The following MAGI2 variants were observed in gnomAD, a reference collection of about 807,000 sequenced individuals.
MAGI2 encodes the protein membrane associated guanylate kinase, WW and PDZ domain containing 2, also known as membrane-associated guanylate kinase, WW and PDZ domain-containing protein 2.
Under a neutral mutation model 133.3 loss-of-function variants are expected in MAGI2, and 35 were observed. That is an observed-to-expected ratio of 0.26 (90% CI 0.20 to 0.35). MAGI2 has a LOEUF of 0.35. Ranked by LOEUF, MAGI2 falls within the 10% of genes least tolerant of loss-of-function variation. MAGI2 has a pLI of 1.00. For synonymous variants in MAGI2, 729 were observed against 710.6 expected (o/e 1.03, Z -0.41); for missense variants, 1,636 against 1,863.4 (o/e 0.88, Z 2.25).
At chr7:78,522,637 C>T (rs1796606261) in intron 3 of MAGI2, among the ~76,000 whole-genome samples, 1 of 152,166 alleles carries the variant, frequency 6.6e-6, no homozygotes, top group Admixed American at 6.5e-5. Context: ...GCCTCGGCCC[C>T]CCAAAGTGCT....
At chr7:78,524,893 C>T (rs1012363941) in intron 3 of MAGI2, among the ~76,000 whole-genome samples, 11 of 151,990 alleles carry the variant, frequency 7.2e-5, no homozygotes, top group Admixed American at 2.6e-4. Flanking sequence ...AGGTAGTATT[C>T]TAATATCTTT....
intron 1 of MAGI2, among the ~76,000 whole-genome samples, chr7:79,229,381 C>T (rs140005695): frequency 1.3e-5 from 2 of 152,216 alleles, no homozygotes; most frequent in Non-Finnish European, 2.9e-5. Context: ...ATAAGGAATA[C>T]AGCCTTTGGG....
intron 1 of MAGI2, among the ~76,000 whole-genome samples, chr7:79,118,253 A>G (rs1255254971): frequency 2.6e-5 from 4 of 152,144 alleles, no homozygotes; most frequent in Admixed American, 6.6e-5. Context: ...CAAACATGCT[A>G]CTATTTGGGT....
intron 1 of MAGI2, among the ~76,000 whole-genome samples, chr7:79,423,245 G>A (rs1382513500): frequency 1.3e-5 from 2 of 151,842 alleles, no homozygotes; most frequent in Non-Finnish European, 2.9e-5. Context: ...TTTATTATTT[G>A]TAAACAGATT....
At chr7:78,264,256 G>C (rs934955873) in intron 9 of MAGI2, among the ~76,000 whole-genome samples, 2 of 152,100 alleles carry the variant, frequency 1.3e-5, no homozygotes, top group African/African-American at 4.8e-5. Context: ...AAGAAGTTAA[G>C]TCACTTCTCT....
At chr7:78,464,987 A>G (rs927881199) in intron 6 of MAGI2, among the ~76,000 whole-genome samples, 8 of 152,192 alleles carry the variant, frequency 5.3e-5, no homozygotes, top group African/African-American at 1.9e-4. Flanking sequence ...CTATGCTTCT[A>G]TAATCAGTTT....
intron 6 of MAGI2, among the ~76,000 whole-genome samples, chr7:78,372,781 T>A (rs929946833): frequency 2.0e-5 from 3 of 152,164 alleles, no homozygotes; most frequent in African/African-American, 4.8e-5. Flanking sequence ...TCTGGCATAG[T>A]CAGCATGCTA....
intron 16 of MAGI2, among the ~76,000 whole-genome samples, chr7:78,142,222 G>T (rs2150560008): frequency 6.6e-6 from 1 of 152,182 alleles, no homozygotes; most frequent in East Asian, 1.9e-4. Context: ...AATAATTTTT[G>T]AACAAGGACC....
At chr7:78,715,160 T>G (rs1181698117) in intron 2 of MAGI2, among the ~76,000 whole-genome samples, 1 of 152,186 alleles carries the variant, frequency 6.6e-6, no homozygotes, top group Non-Finnish European at 1.5e-5. Context: ...TTAGCTTTAT[T>G]CTTTAGAGAT....
At chr7:79,090,036 T>A (rs1172936601) in intron 1 of MAGI2, among the ~76,000 whole-genome samples, 1 of 151,956 alleles carries the variant, frequency 6.6e-6, no homozygotes, top group Non-Finnish European at 1.5e-5. Context: ...CATAAAAAAA[T>A]TAAAAAATAG....
intron 2 of MAGI2, among the ~76,000 whole-genome samples, chr7:78,685,071 T>C (rs73701663): frequency 0.022 from 3,404 of 152,334 alleles, 137 homozygotes; most frequent in African/African-American, 0.077. Context: ...GTGGGCTGGA[T>C]GTCCCATCTC....
intron 1 of MAGI2, among the ~76,000 whole-genome samples, chr7:79,429,901 T>G (rs1312160424): frequency 6.6e-6 from 1 of 152,104 alleles, no homozygotes; most frequent in Admixed American, 6.5e-5. Context: ...AAGTTAACTT[T>G]TTATAATAGG....
At chr7:79,324,137 C>T (rs1054018572) in intron 1 of MAGI2, among the ~76,000 whole-genome samples, 13 of 146,710 alleles carry the variant, frequency 8.9e-5, no homozygotes, top group South Asian at 6.6e-4. Flanking sequence ...TAGTGCTAAA[C>T]GAAACAATGC....
At chr7:78,573,039 A>ATG (rs1801690066) in intron 3 of MAGI2, among the ~76,000 whole-genome samples, 1 of 28,078 alleles carries the variant, frequency 3.6e-5, no homozygotes, top group African/African-American at 4.8e-4. Context: ...ATGTATGTAT[A>ATG]TATATATATA....
intron 3 of MAGI2, chr7:78,615,719 A>G (rs996576301): frequency 2.0e-5 from 3 of 152,162 alleles, no homozygotes; most frequent in Non-Finnish European, 4.4e-5. Flanking sequence ...CCTTTTATCT[A>G]CCCATCATTG....
At chr7:78,300,232 A>G (rs1797711715) in intron 9 of MAGI2, among the ~76,000 whole-genome samples, 2 of 152,186 alleles carry the variant, frequency 1.3e-5, no homozygotes, top group Admixed American at 6.5e-5. Flanking sequence ...TAATAATTTA[A>G]TGAAGAATCG....
At chr7:78,560,524 C>T (rs763478962) in intron 3 of MAGI2, among the ~76,000 whole-genome samples, 14 of 151,926 alleles carry the variant, frequency 9.2e-5, no homozygotes, top group South Asian at 4.2e-4. Flanking sequence ...ATGATGTAAA[C>T]GTTAATCTAA....
intron 2 of MAGI2, among the ~76,000 whole-genome samples, chr7:78,924,094 G>A (rs1432738573): frequency 1.3e-5 from 2 of 152,136 alleles, no homozygotes; most frequent in Non-Finnish European, 2.9e-5. Flanking sequence ...GAGATTTTGG[G>A]CTGAGACAAT....
At position 78,135,059 on chromosome 7, in the gene MAGI2, G is replaced by C; in HGVS notation, c.2993C>G (p.Ala998Gly). 1.9e-6 allele frequency: 3 copies of C among 1,614,128 alleles called. No individual in the cohort carries two copies. The highest frequency in any genetic ancestry group is 2.5e-6 in the Non-Finnish European group (3 of 1,180,026). Reference protein sequence around the residue: ...HADIVKLIKDAGLSVTLRIIP... With the variant: ...HADIVKLIKDGGLSVTLRIIP... ...GATGCGAAGGGTGACACTAAGACCTGCATCCTTGATGAGCTTCACGATGTC... is the reference window on the plus strand; with the variant it reads ...GATGCGAAGGGTGACACTAAGACCTCCATCCTTGATGAGCTTCACGATGTC... Residue 998 changes from alanine (A) to glycine (G), a missense_variant, in exon 17 of 22, where the codon GCA becomes GGA. Physicochemically the swap from Ala to Gly is moderately conservative, Grantham distance 60 (BLOSUM62 0). Transcript: ENST00000354212.
Sources: allele counts gnomAD v4.1 joint callset (sites outside exome capture counted in the v4.1 genomes callset), GRCh38; gene constraint gnomAD v4.1.1; transcripts MANE v1.5; gene names NCBI Gene and HGNC (gene_info 2026-07-23, HGNC 2026-07-21).